The following TPST1 variants were observed in gnomAD, a reference collection of about 807,000 sequenced individuals.
The protein encoded by TPST1 is tyrosylprotein sulfotransferase 1.
Under a neutral mutation model 34.8 loss-of-function variants are expected in TPST1, and 20 were observed. That is an observed-to-expected ratio of 0.57 (90% CI 0.40 to 0.84). The LOEUF (loss-of-function observed/expected upper bound fraction) is 0.84, where lower values mean the gene tolerates loss of function less well. TPST1 is among the 40% of genes least tolerant of loss of function. The pLI is 0.00. For synonymous variants in TPST1, 152 were observed against 159.4 expected (o/e 0.95, Z 0.35); for missense variants, 353 against 455.5 (o/e 0.78, Z 2.05).
At chr7:66,230,940 C>A (rs1400743873) in intron 1 of TPST1, among the ~76,000 whole-genome samples, 2 of 152,168 alleles carry the variant, frequency 1.3e-5, no homozygotes, top group Non-Finnish European at 2.9e-5. Flanking sequence ...AAAGGTTCTC[C>A]AAGGCCCCAC....
chr7:66,338,964 C>A (rs1453520513), intron 3 of TPST1, among the ~76,000 whole-genome samples: 1 of 151,744 alleles, frequency 6.6e-6, no homozygotes, highest in Admixed American at 6.6e-5. Flanking sequence ...ATCTAAAAAA[C>A]AAACCAATGT....
chr7:66,274,985 G>A (rs917878688), intron 2 of TPST1, among the ~76,000 whole-genome samples: 2 of 152,122 alleles, frequency 1.3e-5, no homozygotes, highest in African/African-American at 4.8e-5. Flanking sequence ...ACGAGGTCAG[G>A]AGGTCGAGAC....
intron 2 of TPST1, among the ~76,000 whole-genome samples, chr7:66,253,473 C>T (rs1044327845): frequency 1.1e-4 from 16 of 150,912 alleles, no homozygotes; most frequent in African/African-American, 3.9e-4. Context: ...TGGGTTCAAG[C>T]GATTCTCATG....
chr7:66,355,902 CA>C (rs573200695), intron 4 of TPST1, among the ~76,000 whole-genome samples: 13,857 of 56,986 alleles, frequency 0.24, 540 homozygotes, highest in Non-Finnish European at 0.3. Flanking sequence ...AAGACTCCAT[CA>C]AAAAAAAAAA....
In TPST1 at chr7:66,213,876, C is replaced by T. The variant is rs183139156; in HGVS notation, c.-102+8354C>T. Among the ~76,000 whole-genome samples, 7 of 152,166 alleles carry T rather than the reference C, an allele frequency of 4.6e-5. No individual in the cohort carries two copies. The East Asian group carries it at 7.7e-4, about 17-fold the overall frequency. On this transcript the variant is annotated intron_variant, in intron 1 of 5. Transcript: ENST00000304842. The stretch of plus-strand genomic sequence containing the variant: ...ATTGTGGTTTTCCTGGTTCTTGCTA[C>T]GATGAATGACTTTTGACTGTATCTT...
chr7:66,248,931 A>G (rs1329861884), intron 2 of TPST1, among the ~76,000 whole-genome samples: 2 of 152,112 alleles, frequency 1.3e-5, no homozygotes, highest in Non-Finnish European at 2.9e-5. Context: ...GCAGTTTTGG[A>G]GGCTGGGATG....
chr7:66,333,948 A>G (rs1792043745), intron 3 of TPST1, among the ~76,000 whole-genome samples: 2 of 152,190 alleles, frequency 1.3e-5, no homozygotes, highest in South Asian at 4.1e-4. Context: ...GAATATGGAA[A>G]GCTAATATAA....
intron 1 of TPST1, among the ~76,000 whole-genome samples, chr7:66,236,172 T>G (rs1480027517): frequency 1.3e-5 from 2 of 152,170 alleles, no homozygotes; most frequent in Non-Finnish European, 2.9e-5. Flanking sequence ...TTTAGCTTAG[T>G]GATTTGGGGG....
At chr7:66,336,424 A>G (rs1792123033) in intron 3 of TPST1, among the ~76,000 whole-genome samples, 1 of 152,218 alleles carries the variant, frequency 6.6e-6, no homozygotes, top group Admixed American at 6.5e-5. Context: ...TAGAAACAAG[A>G]AAACAAATAG....
At chr7:66,231,429 G>A (rs928206529) in intron 1 of TPST1, among the ~76,000 whole-genome samples, 1 of 152,210 alleles carries the variant, frequency 6.6e-6, no homozygotes. Flanking sequence ...TGTCAGGGAA[G>A]CTGGGGTGGC....
upstream of TPST1, among the ~76,000 whole-genome samples, chr7:66,203,790 C>T (rs1253135352): frequency 1.3e-5 from 2 of 152,112 alleles, no homozygotes; most frequent in Non-Finnish European, 2.9e-5. Flanking sequence ...CGGCCACACA[C>T]AAAAACTTCT....
At chr7:66,229,126 T>C (rs1388635215) in intron 1 of TPST1, among the ~76,000 whole-genome samples, 1 of 151,734 alleles carries the variant, frequency 6.6e-6, no homozygotes, top group African/African-American at 2.4e-5. Context: ...GCTTTTTTTT[T>C]TTCTGAGACA....
rs764911937 is a variant in TPST1, at chr7:66,240,495, C to G, written c.70C>G (p.Leu24Val). The G allele has an allele frequency of 1.2e-6, 2 of 1,614,148 alleles. No homozygotes were observed. Among genetic ancestry groups the G allele is most frequent in the Non-Finnish European group, 1.7e-6 (2 of 1,180,014 alleles). ...GATTAGTTCTGTGACTGTGTTTTAC[C>G]TGGGCCAGCATGCCATGGAATGCCA... ...LVISSVTVFY[L>V]GQHAMECHHR... Residue 24 changes from leucine to valine, a missense_variant, in exon 2 of 6, where the codon CTG (leucine) becomes GTG (valine). Transcript: ENST00000304842.
At chr7:66,241,566 T>C (rs1314977235) in intron 2 of TPST1, among the ~76,000 whole-genome samples, 1 of 152,202 alleles carries the variant, frequency 6.6e-6, no homozygotes, top group Non-Finnish European at 1.5e-5. Context: ...TGAAAAGCCT[T>C]CTTCAGGGTC....
chr7:66,307,153 T>TG (rs1393661034), intron 3 of TPST1, among the ~76,000 whole-genome samples: 2 of 151,868 alleles, frequency 1.3e-5, no homozygotes, highest in African/African-American at 4.8e-5. Flanking sequence ...TTTTTTTAGA[T>TG]GGAGTCTCGC....
intron 3 of TPST1, among the ~76,000 whole-genome samples, chr7:66,297,008 C>T (rs1042686104): frequency 6.6e-6 from 1 of 152,112 alleles, no homozygotes; most frequent in Non-Finnish European, 1.5e-5. Flanking sequence ...AATACAGACA[C>T]ATGAATACAC....
chr7:66,268,953 G>C (rs1790644857), intron 2 of TPST1, among the ~76,000 whole-genome samples: 1 of 152,194 alleles, frequency 6.6e-6, no homozygotes, highest in Non-Finnish European at 1.5e-5. Context: ...AAAGTGCTGA[G>C]GTTACAGGGC....
intron 2 of TPST1, among the ~76,000 whole-genome samples, chr7:66,261,028 C>T (rs1790476046): frequency 6.6e-6 from 1 of 152,136 alleles, no homozygotes; most frequent in Admixed American, 6.5e-5. Flanking sequence ...AAACTCCAAC[C>T]AGGACTTTCA....
chr7:66,305,703 C>T (rs1349808434), intron 3 of TPST1, among the ~76,000 whole-genome samples: 12 of 152,206 alleles, frequency 7.9e-5, no homozygotes, highest in Admixed American at 7.9e-4. Context: ...AGCACTTCTC[C>T]CTTGAGGATT....
Sources: gnomAD v4.1 joint callset for allele counts (sites outside exome capture counted in the v4.1 genomes callset) on GRCh38, gnomAD v4.1.1 for gene constraint, MANE v1.5 for transcripts, NCBI Gene and HGNC (gene_info 2026-07-23, HGNC 2026-07-21) for gene names.